The following LATS1 variants were observed in gnomAD, a reference collection of about 807,000 sequenced individuals.
LATS1 encodes the protein large tumor suppressor kinase 1.
In LATS1, 25 loss-of-function variants were observed where a neutral mutation model predicts 106.6. The observed-to-expected ratio is 0.23, with a 90% CI of 0.17 to 0.33. LATS1 has a LOEUF of 0.33. LATS1 is among the 10% of genes least tolerant of loss of function. LATS1 has a pLI of 1.00. For synonymous variants in LATS1, 465 were observed against 455.6 expected (o/e 1.02, Z -0.26); for missense variants, 1,040 against 1,382.6 (o/e 0.75, Z 3.93).
chr6:149,705,222 A>G (rs1204473841), intron 1 of LATS1, among the ~76,000 whole-genome samples: 1 of 152,218 alleles, frequency 6.6e-6, no homozygotes, highest in Non-Finnish European at 1.5e-5. Context: ...TTATGAAGGA[A>G]GCTGGTCCCT....
intron 4 of LATS1, among the ~76,000 whole-genome samples, chr6:149,682,546 G>A (rs917446434): frequency 1.3e-5 from 2 of 151,732 alleles, no homozygotes; most frequent in Non-Finnish European, 2.9e-5. Flanking sequence ...CAAGTAGCTG[G>A]GACTACAGGC....
chr6:149,700,549 T>A (rs944138491), intron 2 of LATS1, among the ~76,000 whole-genome samples: 1 of 152,136 alleles, frequency 6.6e-6, no homozygotes, highest in Non-Finnish European at 1.5e-5. Context: ...TTTACTACAA[T>A]GCATACTTAG....
At chr6:149,702,522 A>C (rs1430761913) in intron 1 of LATS1, among the ~76,000 whole-genome samples, 1 of 152,130 alleles carries the variant, frequency 6.6e-6, no homozygotes, top group Non-Finnish European at 1.5e-5. Context: ...CATACCAAGC[A>C]TTTATACAAA....
intron 3 of LATS1, among the ~76,000 whole-genome samples, chr6:149,687,186 G>T (rs1467461467): frequency 6.6e-6 from 1 of 151,912 alleles, no homozygotes; most frequent in Non-Finnish European, 1.5e-5. Context: ...TGCCTCCTGG[G>T]TTTAGGCGAT....
intron 1 of LATS1, among the ~76,000 whole-genome samples, chr6:149,708,041 TGACTG>T (rs1037061675): frequency 2.6e-5 from 4 of 152,082 alleles, no homozygotes; most frequent in African/African-American, 9.7e-5. Flanking sequence ...GGAAAGGAAA[TGACTG>T]GATCCTAGAA....
rs34908424 is a variant in LATS1 at position 149,671,896 on chromosome 6, C to CT, written c.2883+4363dup. On this transcript the variant is annotated intron_variant, in intron 7 of 7. Transcript: ENST00000543571. ...ACTTATTTAGATCTATGATTTCTTT[C>CT]TTTTTTTTTTGAGACAGAGTCTCAC... 8.1e-3 allele frequency among the ~76,000 whole-genome samples: 1,207 copies of CT among 148,364 alleles called. 8 individuals are homozygous for CT. The highest frequency in any genetic ancestry group is 0.014 in the Non-Finnish European group (912 of 66,820).
At chr6:149,701,753 T>C (rs1783473658) in intron 2 of LATS1, 26 bp downstream of exon 2, 3 of 1,533,310 alleles carry the variant, frequency 2.0e-6, no homozygotes, top group African/African-American at 1.4e-5. Flanking sequence ...AGAAGAATCC[T>C]TTCTTTTGTC....
intron 3 of LATS1, among the ~76,000 whole-genome samples, chr6:149,689,215 T>C (rs1327597237): frequency 6.6e-6 from 1 of 152,022 alleles, no homozygotes; most frequent in African/African-American, 2.4e-5. Context: ...AGCTTGGTAT[T>C]TTCCAAGAAC....
chr6:149,705,931 C>A (rs1783735736), intron 1 of LATS1, among the ~76,000 whole-genome samples: 1 of 152,028 alleles, frequency 6.6e-6, no homozygotes, highest in South Asian at 2.1e-4. Flanking sequence ...CTCCTATAAT[C>A]CCAGCACTTT....
chr6:149,662,334 G>C, intron 7 of LATS1, 96 bp from the exon 8 acceptor site: 1 of 1,058,672 alleles, frequency 9.4e-7, no homozygotes, highest in Non-Finnish European at 1.3e-6. Context: ...GGCTATTTTT[G>C]TATTTTAAAT....
intron 7 of LATS1, among the ~76,000 whole-genome samples, chr6:149,664,966 G>A (rs1279568679): frequency 6.6e-6 from 1 of 152,194 alleles, no homozygotes; most frequent in Admixed American, 6.5e-5. Context: ...GGCTCAGGGA[G>A]TAGAAAAGGA....
chr6:149,696,613 G>C (rs1783093217), intron 2 of LATS1, among the ~76,000 whole-genome samples: 1 of 146,112 alleles, frequency 6.8e-6, no homozygotes, highest in African/African-American at 2.5e-5. Context: ...TGAGTATCTT[G>C]GTATTTTATT....
chr6:149,700,754 G>C (rs1208325904), intron 2 of LATS1, among the ~76,000 whole-genome samples: 1 of 152,112 alleles, frequency 6.6e-6, no homozygotes, highest in Non-Finnish European at 1.5e-5. Context: ...TTTGCAATCA[G>C]AAAAAACATT....
chr6:149,674,877 C>G (rs1781629740), intron 7 of LATS1, among the ~76,000 whole-genome samples: 1 of 151,990 alleles, frequency 6.6e-6, no homozygotes, highest in Non-Finnish European at 1.5e-5. Flanking sequence ...GCATTACACC[C>G]TAGGTGAAAT....
chr6:149,689,927 C>T (rs1435483032), intron 3 of LATS1, among the ~76,000 whole-genome samples: 1 of 151,712 alleles, frequency 6.6e-6, no homozygotes, highest in Non-Finnish European at 1.5e-5. Flanking sequence ...ATCCTCTTAA[C>T]TGGAGTCTTC....
At chr6:149,703,744 A>C (rs1030079718) in intron 1 of LATS1, among the ~76,000 whole-genome samples, 1 of 152,120 alleles carries the variant, frequency 6.6e-6, no homozygotes, top group South Asian at 2.1e-4. Flanking sequence ...AGCAATGTGG[A>C]CTTGGACATT....
intron 7 of LATS1, among the ~76,000 whole-genome samples, chr6:149,673,999 A>G (rs1781576177): frequency 6.6e-6 from 1 of 151,744 alleles, no homozygotes; most frequent in South Asian, 2.1e-4. Flanking sequence ...TCTATATTAA[A>G]TGCAATGACT....
intron 3 of LATS1, among the ~76,000 whole-genome samples, chr6:149,687,007 G>A (rs1782411791): frequency 6.6e-6 from 1 of 151,936 alleles, no homozygotes; most frequent in African/African-American, 2.4e-5. Flanking sequence ...TATACTCCCA[G>A]ACCACAACTA....
rs1392948985 is a variant in LATS1, at chr6:149,684,430, A to C, written c.659T>G (p.Ile220Arg). 6.2e-7 allele frequency: 1 copy of C among 1,614,004 alleles called. No individual in the cohort carries two copies. The highest frequency in any genetic ancestry group is 1.1e-5 in the South Asian group (1 of 91,064). ...DVGRPLSGSG[I>R]SAFVQAHPSN... ...AGGGTGAGCTTGAACAAATGCTGAT[A>C]TACCAGATCCAGACAAAGGTCTTCC... The change falls in exon 4 of 8, where the codon ATA (isoleucine) becomes AGA (arginine). Residue 220 changes from isoleucine (I) to arginine (R), a missense_variant. Ile to Arg is a moderately conservative substitution (Grantham distance 97). Around this residue, in one of 7 missense-constraint regions of LATS1, gnomAD observed 624 missense variants for 714.8 expected, o/e 0.87. Transcript: ENST00000543571.
Sources: allele counts gnomAD v4.1 joint callset (sites outside exome capture counted in the v4.1 genomes callset), GRCh38; gene constraint gnomAD v4.1.1; regional missense constraint gnomAD v4.1.1; transcripts MANE v1.5; gene names NCBI Gene and HGNC (gene_info 2026-07-23, HGNC 2026-07-21).